The following ALOX5 variants were observed in gnomAD, a reference collection of about 807,000 sequenced individuals.
ALOX5 encodes the protein polyunsaturated fatty acid 5-lipoxygenase.
A neutral mutation model predicts 87.9 loss-of-function variants in ALOX5; 64 were observed. The ratio of observed to expected loss-of-function variants is 0.73; its 90% CI spans 0.60 to 0.90. The LOEUF (loss-of-function observed/expected upper bound fraction) is 0.90. Among genes scored for constraint, ALOX5 ranks in the 40% least tolerant of loss-of-function variants. ALOX5 has a pLI of 0.00. For missense variants in ALOX5, 822 were observed against 907.5 expected, an observed-to-expected ratio of 0.91 and a Z score of 1.21; for synonymous variants, 388 against 355.1, an observed-to-expected ratio of 1.09 and a Z score of -1.04.
At chr10:45,394,326 A>G (rs567868855) in intron 2 of ALOX5, among the ~76,000 whole-genome samples, 1 of 152,348 alleles carries the variant, frequency 6.6e-6, no homozygotes, top group East Asian at 1.9e-4. Context: ...CTGATCTTTG[A>G]CAAACCTGAC....
chr10:45,415,793 C>T (rs1841267365), intron 4 of ALOX5, among the ~76,000 whole-genome samples: 3 of 152,306 alleles, frequency 2.0e-5, no homozygotes, highest in Admixed American at 2.0e-4. Flanking sequence ...ATTCCTCTTG[C>T]GCTTAGTACA....
intron 7 of ALOX5, 46 bp from the exon 8 acceptor site, chr10:45,440,384 C>A (rs749088572): frequency 6.3e-7 from 1 of 1,584,782 alleles, no homozygotes; most frequent in East Asian, 2.2e-5. Flanking sequence ...CAACTATACT[C>A]TGAAGTGAAA....
chr10:45,428,525 G>A (rs974188493), intron 6 of ALOX5, 93 bp from the exon 7 acceptor site: 44 of 1,499,434 alleles, frequency 2.9e-5, no homozygotes, highest in South Asian at 9.7e-5. Flanking sequence ...AGGAAAGGGA[G>A]AGGGGTGCCC....
chr10:45,428,723 T>C lies in ALOX5; in HGVS notation c.940T>C (p.Tyr314His). Reference sequence around the variant, plus strand: ...CCTGGCCGCTCCCATCTGCTTGCTGTATAAGAACCTGGCCAACAAGATTGT... The same window carrying C: ...CCTGGCCGCTCCCATCTGCTTGCTGCATAAGAACCTGGCCAACAAGATTGT... ...QFLAAPICLL[Y>H]KNLANKIVPI... Residue 314 changes from tyrosine to histidine, a missense_variant, in exon 7 of 14, where the codon TAT (tyrosine) becomes CAT (histidine). Tyr to His is a moderately conservative substitution (Grantham distance 83). Transcript: ENST00000374391. 1 of 1,614,052 alleles carries C rather than the reference T, an allele frequency of 6.2e-7. No individual in the cohort carries two copies. The highest frequency in any genetic ancestry group is 8.5e-7 in the Non-Finnish European group (1 of 1,180,018).
intron 1 of ALOX5, among the ~76,000 whole-genome samples, chr10:45,380,495 T>C (rs1170152990): frequency 2.0e-5 from 3 of 152,208 alleles, no homozygotes; most frequent in Non-Finnish European, 2.9e-5. Context: ...CCAGGGGTCC[T>C]CCTGGCAGCT....
intron 1 of ALOX5, among the ~76,000 whole-genome samples, chr10:45,375,881 G>A (rs67008983): frequency 0.17 from 25,570 of 152,180 alleles, 2,225 homozygotes; most frequent in South Asian, 0.19. Context: ...TTAATGTGTC[G>A]TCCATTTAGG....
At chr10:45,415,547 G>A (rs865853952) in intron 4 of ALOX5, among the ~76,000 whole-genome samples, 1 of 151,348 alleles carries the variant, frequency 6.6e-6, no homozygotes, top group Non-Finnish European at 1.5e-5. Flanking sequence ...CCTGCACGTT[G>A]TGCACATGTA....
chr10:45,438,402 G>GC (rs915018878), intron 7 of ALOX5, among the ~76,000 whole-genome samples: 1 of 152,146 alleles, frequency 6.6e-6, no homozygotes. Flanking sequence ...TATCTGCCTT[G>GC]CAGGGTCAAA....
At chr10:45,380,519 TG>T (rs1839788395) in intron 1 of ALOX5, among the ~76,000 whole-genome samples, 1 of 152,192 alleles carries the variant, frequency 6.6e-6, no homozygotes, top group Non-Finnish European at 1.5e-5. Context: ...AGGCAGGGCA[TG>T]GAATGGGGAT....
At chr10:45,411,051 C>T (rs1841044871) in intron 3 of ALOX5, among the ~76,000 whole-genome samples, 1 of 152,230 alleles carries the variant, frequency 6.6e-6, no homozygotes, top group Non-Finnish European at 1.5e-5. Flanking sequence ...TGGGCAATTC[C>T]AGGAACTGAA....
chr10:45,414,753 C>T (rs1381053965), intron 4 of ALOX5, among the ~76,000 whole-genome samples: 1 of 152,074 alleles, frequency 6.6e-6, no homozygotes, highest in Non-Finnish European at 1.5e-5. Context: ...AAAAAAACAA[C>T]CCCATCAAAA....
intron 9 of ALOX5, 69 bp from the exon 10 acceptor site, chr10:45,442,969 T>G (rs1411603203): frequency 3.3e-6 from 5 of 1,509,824 alleles, no homozygotes; most frequent in Non-Finnish European, 4.5e-6. Flanking sequence ...CTGGCACATT[T>G]CCTCAGGGAT....
chr10:45,427,188 C>T (rs1023810523), intron 6 of ALOX5, among the ~76,000 whole-genome samples: 3 of 152,222 alleles, frequency 2.0e-5, no homozygotes, highest in African/African-American at 7.2e-5. Context: ...CCTCCTATTC[C>T]CAGTATCACC....
chr10:45,414,777 T>C (rs1345712603), intron 4 of ALOX5, among the ~76,000 whole-genome samples: 1 of 152,178 alleles, frequency 6.6e-6, no homozygotes, highest in African/African-American at 2.4e-5. Flanking sequence ...GGGCAAAGGA[T>C]ATGAGCAGAC....
At chr10:45,414,237 G>A (rs1337715691) in intron 4 of ALOX5, among the ~76,000 whole-genome samples, 1 of 152,136 alleles carries the variant, frequency 6.6e-6, no homozygotes. Flanking sequence ...TACCAAAACA[G>A]ACATATAGAC....
chr10:45,440,733 G>T, intron 8 of ALOX5, 100 bp downstream of exon 8: 3 of 1,355,056 alleles, frequency 2.2e-6, no homozygotes, highest in Non-Finnish European at 3.0e-6. Context: ...GCTGGGAGTG[G>T]GTGGCAGAAA....
chr10:45,419,820 C>T (rs1841439479), intron 4 of ALOX5, among the ~76,000 whole-genome samples: 1 of 152,158 alleles, frequency 6.6e-6, no homozygotes, highest in African/African-American at 2.4e-5. Context: ...GAGAGAAGGG[C>T]CCTGAGCTCA....
At chr10:45,439,217 T>C (rs1421370977) in intron 7 of ALOX5, among the ~76,000 whole-genome samples, 1 of 152,222 alleles carries the variant, frequency 6.6e-6, no homozygotes, top group African/African-American at 2.4e-5. Flanking sequence ...TACAATTCCA[T>C]GTGTGGGGTA....
intron 2 of ALOX5, among the ~76,000 whole-genome samples, chr10:45,383,054 T>C (rs983368476): frequency 6.6e-6 from 1 of 152,224 alleles, no homozygotes; most frequent in African/African-American, 2.4e-5. Flanking sequence ...CACTTTCTAG[T>C]TCATAGCCTG....
Sources: allele counts gnomAD v4.1 joint callset (sites outside exome capture counted in the v4.1 genomes callset), GRCh38; gene constraint gnomAD v4.1.1; transcripts MANE v1.5; gene names NCBI Gene and HGNC (gene_info 2026-07-23, HGNC 2026-07-21).